The following DAB2IP variants were observed in gnomAD, a reference collection of about 807,000 sequenced individuals.
The protein encoded by DAB2IP is disabled homolog 2-interacting protein.
In DAB2IP, 28 loss-of-function variants were observed where a neutral mutation model predicts 107.2. The observed-to-expected ratio is 0.26, with a 90% CI of 0.19 to 0.36. The LOEUF (loss-of-function observed/expected upper bound fraction) is 0.36, where lower values mean the gene tolerates loss of function less well. Among genes scored for constraint, DAB2IP ranks in the 10% least tolerant of loss-of-function variants. The pLI, the probability that DAB2IP is intolerant of heterozygous loss-of-function variation, is 1.00. For missense variants in DAB2IP, 1,400 were observed against 1,644.7 expected (o/e 0.85, Z 2.57); for synonymous variants, 755 against 706.4 (o/e 1.07, Z -1.09).
Position 121,699,429 on chromosome 9 carries a change from C to T in DAB2IP, c.333C>T (p.Ser111=). ...GCCACATCCTGCCGGGGTTCCGGAG[C>T]GCCGCCGCCGCCGCCGCGGACAATG... is the stretch of plus-strand genomic sequence containing the variant. The change falls in exon 3 of 16, where the codon AGC becomes AGT. Residue 111 remains serine, a synonymous_variant. Transcript: ENST00000408936. This position sits in a 1 kb window ranked among gnomAD's most constrained non-coding sequence, Gnocchi z 6.2. 3 of 1,397,420 alleles carry T rather than the reference C, an allele frequency of 2.1e-6. No individual in the cohort carries two copies. The highest frequency in any genetic ancestry group is 1.5e-5 in the South Asian group (1 of 67,132). 86.6% of individuals were successfully genotyped at this position (1,397,420 alleles called of 1,614,324 possible).
chr9:121,773,342 C>A, exon 12 of DAB2IP: 1 of 1,573,284 alleles, frequency 6.4e-7, no homozygotes, highest in Non-Finnish European at 8.6e-7. Flanking sequence ...CGCCCCCCAA[C>A]CTGCTGAGCA....
chr9:121,702,366 G>A lies in DAB2IP; in HGVS notation c.362+2908G>A, dbSNP rs192074772. 6.6e-6 allele frequency among the ~76,000 whole-genome samples: 1 copy of A among 152,270 alleles called. No individual in the cohort carries two copies. Among genetic ancestry groups the A allele is most frequent in the Non-Finnish European group, 1.5e-5 (1 of 68,026 alleles). On this transcript the variant is annotated intron_variant, in intron 3 of 15. Transcript: ENST00000408936. The surrounding 1 kb of genome is among the most constrained non-coding windows in gnomAD (Gnocchi z 4.5). ...TATCTGGTTGTGAGGCTGGGGTCAG[G>A]CCAGGCAGTGCTTGGTTGGCACAGC...
chr9:121,666,941 A>G (rs778138072), intron 1 of DAB2IP, among the ~76,000 whole-genome samples: 2 of 151,964 alleles, frequency 1.3e-5, no homozygotes, highest in South Asian at 2.1e-4. Context: ...ACGTACACAG[A>G]GGCATAAGCT....
intron 1 of DAB2IP, among the ~76,000 whole-genome samples, chr9:121,610,033 C>T (rs10985334): frequency 0.027 from 4,047 of 149,290 alleles, 79 homozygotes; most frequent in South Asian, 0.073. Flanking sequence ...GGAACTTTCA[C>T]TCTGAGCTAC....
intron 2 of DAB2IP, among the ~76,000 whole-genome samples, chr9:121,682,104 T>C (rs930285365): frequency 7.2e-5 from 11 of 152,132 alleles, no homozygotes; most frequent in African/African-American, 2.7e-4. Flanking sequence ...TTGGGGACAG[T>C]CCCTCACACA....
intron 2 of DAB2IP, among the ~76,000 whole-genome samples, chr9:121,680,191 C>T (rs1356655073): frequency 6.6e-6 from 1 of 152,134 alleles, no homozygotes; most frequent in Non-Finnish European, 1.5e-5. Flanking sequence ...GGAGGCCTGG[C>T]CGAGTCAAGG....
intron 1 of DAB2IP, among the ~76,000 whole-genome samples, chr9:121,580,585 A>G (rs1227167461): frequency 6.6e-6 from 1 of 152,038 alleles, no homozygotes; most frequent in Non-Finnish European, 1.5e-5. Flanking sequence ...ACCACAGGGG[A>G]AAGGCCTGGA....
chr9:121,585,692 A>G (rs113664129), intron 1 of DAB2IP, among the ~76,000 whole-genome samples: 61 of 152,182 alleles, frequency 4.0e-4, no homozygotes, highest in Middle Eastern at 3.4e-3. Context: ...TGTCTCTACA[A>G]AAAAATACAA....
At chr9:121,641,892 CCTTTCTTTCTTTCTTTCTTTCTTTCTTT>C (rs71370681) in intron 1 of DAB2IP, among the ~76,000 whole-genome samples, 1 of 89,334 alleles carries the variant, frequency 1.1e-5, no homozygotes, top group African/African-American at 5.3e-5. Flanking sequence ...CATTTCTTTC[CCTTTCTTTCTTTCTTTCTTTCTTTCTTT>C]CTTTCTTTCT....
chr9:121,781,922 G>C (rs562194428), intron 15 of DAB2IP, among the ~76,000 whole-genome samples: 23 of 152,292 alleles, frequency 1.5e-4, no homozygotes, highest in African/African-American at 5.1e-4. Context: ...GAGGGGAGAC[G>C]TGAAAGGCTC....
intron 1 of DAB2IP, among the ~76,000 whole-genome samples, chr9:121,606,942 T>C (rs1830902795): frequency 6.6e-6 from 1 of 151,802 alleles, no homozygotes; most frequent in Non-Finnish European, 1.5e-5. Context: ...GCCTGGCTAA[T>C]TTTCATATTT....
intron 3 of DAB2IP, among the ~76,000 whole-genome samples, chr9:121,743,761 A>G (rs1169286257): frequency 6.6e-6 from 1 of 152,196 alleles, no homozygotes; most frequent in Non-Finnish European, 1.5e-5. Flanking sequence ...TGGGAAAGCC[A>G]GGAGGGAGGC....
At chr9:121,614,836 C>T (rs527488709) in intron 1 of DAB2IP, among the ~76,000 whole-genome samples, 4 of 150,056 alleles carry the variant, frequency 2.7e-5, no homozygotes, top group Non-Finnish European at 3.0e-5. Flanking sequence ...CAGGTTCAAG[C>T]GATTCTCCTG....
chr9:121,783,040 G>A, exon 16 of DAB2IP: 1 of 1,033,424 alleles, frequency 9.7e-7, no homozygotes, highest in Non-Finnish European at 1.2e-6. Flanking sequence ...GGAGGTCAGT[G>A]TCCCCTGCCT....
chr9:121,715,165 G>C (rs938090789), intron 3 of DAB2IP, among the ~76,000 whole-genome samples: 3 of 152,128 alleles, frequency 2.0e-5, no homozygotes, highest in Admixed American at 6.5e-5. Context: ...TAGGGTTAAG[G>C]ACCTTGCTCC....
In DAB2IP at chr9:121,590,457, G is replaced by C. The variant is rs140824926; in HGVS notation, c.40+23229G>C. ...AAGGGTGTTGTGGTTACAAAACCCA[G>C]GATCTGGAATCAAACAGATGGGGCT... is the stretch of plus-strand genomic sequence containing the variant. On this transcript the variant is annotated intron_variant, in intron 1 of 16. Transcript: ENST00000259371. 6.0e-3 allele frequency among the ~76,000 whole-genome samples: 918 copies of C among 152,150 alleles called. 5 individuals carry two copies. Among genetic ancestry groups the C allele is most frequent in the Non-Finnish European group, 0.011 (760 of 68,022 alleles).
chr9:121,770,651 T>G, exon 11 of DAB2IP: 1 of 1,614,102 alleles, frequency 6.2e-7, no homozygotes, highest in South Asian at 1.1e-5. Context: ...TGACCTGGCC[T>G]CCACACCGGG....
At chr9:121,630,056 C>T (rs1452174272) in intron 1 of DAB2IP, among the ~76,000 whole-genome samples, 2 of 152,176 alleles carry the variant, frequency 1.3e-5, no homozygotes, top group Non-Finnish European at 1.5e-5. Flanking sequence ...ACCACAGTGG[C>T]ATTAGCCATT....
At chr9:121,631,627 C>A (rs554927617) in intron 1 of DAB2IP, among the ~76,000 whole-genome samples, 37 of 152,034 alleles carry the variant, frequency 2.4e-4, no homozygotes, top group African/African-American at 8.9e-4. Flanking sequence ...ACCATCCTGG[C>A]CCAAATGGTG....
Sources: gnomAD v4.1 joint callset for allele counts (sites outside exome capture counted in the v4.1 genomes callset) on GRCh38, gnomAD v4.1.1 for gene constraint, Gnocchi (gnomAD v3.1) non-coding constraint, MANE v1.5 for transcripts, NCBI Gene and HGNC (gene_info 2026-07-23, HGNC 2026-07-21) for gene names.